The following CNTN4 variants were observed in gnomAD, a reference collection of about 807,000 sequenced individuals.
CNTN4 encodes the protein contactin-4.
Under a neutral mutation model 122.5 loss-of-function variants are expected in CNTN4, and 77 were observed. The observed-to-expected ratio is 0.63, with a 90% confidence interval of 0.52 to 0.76. The LOEUF is 0.76. CNTN4 is among the 30% of genes least tolerant of loss of function. The pLI is 0.00. For synonymous variants in CNTN4, 512 were observed against 447.0 expected (o/e 1.15, Z -1.83); for missense variants, 1,256 against 1,259.1 (o/e 1.00, Z 0.04).
intron 2 of CNTN4, among the ~76,000 whole-genome samples, chr3:2,327,057 T>A (rs955423148): frequency 2.6e-5 from 4 of 152,168 alleles, no homozygotes; most frequent in African/African-American, 9.7e-5. Context: ...TGGAGTTCAG[T>A]TAAGCCACAA....
intron 2 of CNTN4, among the ~76,000 whole-genome samples, chr3:2,317,363 T>C (rs2150182764): frequency 6.6e-6 from 1 of 152,334 alleles, no homozygotes; most frequent in East Asian, 1.9e-4. Context: ...TAGAAGAAGC[T>C]AGCGGGCAGA....
At chr3:2,710,070 G>T (rs996129189) in intron 4 of CNTN4, among the ~76,000 whole-genome samples, 2 of 152,132 alleles carry the variant, frequency 1.3e-5, no homozygotes, top group Non-Finnish European at 2.9e-5. Context: ...ATTAGCACTA[G>T]GTATAATATT....
intron 3 of CNTN4, among the ~76,000 whole-genome samples, chr3:2,545,452 A>T (rs897368661): frequency 3.9e-5 from 6 of 152,048 alleles, no homozygotes. Context: ...TAATGCTGTC[A>T]GTCGGGTGTT....
chr3:2,910,698 G>GAATA, intron 12 of CNTN4, among the ~76,000 whole-genome samples: 1 of 150,812 alleles, frequency 6.6e-6, no homozygotes, highest in Middle Eastern at 3.5e-3. Context: ...ATTTGTGAAT[G>GAATA]AATAAATAAA....
intron 3 of CNTN4, among the ~76,000 whole-genome samples, chr3:2,448,079 A>G (rs967180740): frequency 3.3e-5 from 5 of 152,196 alleles, no homozygotes; most frequent in African/African-American, 1.2e-4. Flanking sequence ...TATGGAAATA[A>G]TTGTGCCTGG....
intron 3 of CNTN4, among the ~76,000 whole-genome samples, chr3:2,434,476 C>T (rs894895492): frequency 3.9e-5 from 6 of 152,160 alleles, no homozygotes; most frequent in Non-Finnish European, 2.9e-5. Flanking sequence ...AGCATAGCTT[C>T]AGTTGAACAA....
At chr3:2,971,530 T>C (rs1197164644) in intron 13 of CNTN4, among the ~76,000 whole-genome samples, 1 of 152,098 alleles carries the variant, frequency 6.6e-6, no homozygotes, top group African/African-American at 2.4e-5. Context: ...AATCTTTACA[T>C]CTAACAGAAA....
chr3:2,228,300 AAAT>A (rs1433336044), intron 2 of CNTN4, among the ~76,000 whole-genome samples: 4 of 152,120 alleles, frequency 2.6e-5, no homozygotes, highest in Non-Finnish European at 5.9e-5. Context: ...GAAAAAATCA[AAAT>A]AATAATAATA....
chr3:2,933,704 C>T (rs1029077207), intron 13 of CNTN4, among the ~76,000 whole-genome samples: 4 of 152,058 alleles, frequency 2.6e-5, no homozygotes, highest in African/African-American at 9.7e-5. Flanking sequence ...TGTTTTATTC[C>T]GTTCTTTAAC....
intron 7 of CNTN4, among the ~76,000 whole-genome samples, chr3:2,859,206 G>A (rs2093648140): frequency 6.6e-6 from 1 of 152,090 alleles, no homozygotes; most frequent in Admixed American, 6.5e-5. Flanking sequence ...ATGTCCTCCA[G>A]GTTCATCCAT....
intron 10 of CNTN4, among the ~76,000 whole-genome samples, chr3:2,895,974 A>G (rs1577192015): frequency 6.6e-6 from 1 of 152,164 alleles, no homozygotes; most frequent in South Asian, 2.1e-4. Flanking sequence ...CAGAGTTTGC[A>G]GCGAGCCAAG....
chr3:2,171,333 A>G (rs1266759397), intron 2 of CNTN4, among the ~76,000 whole-genome samples: 1 of 152,194 alleles, frequency 6.6e-6, no homozygotes, highest in Non-Finnish European at 1.5e-5. Context: ...AAAAACACTC[A>G]TAAAATAGGA....
chr3:2,756,897 AT>A lies in CNTN4; in HGVS notation c.358+11210del, dbSNP rs561157647. Among the ~76,000 whole-genome samples, 106 of 151,012 alleles carry A rather than the reference AT, an allele frequency of 7.0e-4. 2 individuals carry two copies. The South Asian group carries it at 0.011, about 15-fold the overall frequency. ...AGCTTCCAGAACTGCGAGAGAATAA[AT>A]TTTTTTTTTAAGCCATTCAATCTGT... On this transcript the variant is annotated intron_variant, in intron 6 of 24. Coordinates refer to ENST00000418658, the MANE Select transcript of CNTN4 (RefSeq NM_175607.3).
intron 3 of CNTN4, among the ~76,000 whole-genome samples, chr3:2,544,543 A>G (rs932746286): frequency 6.6e-6 from 1 of 152,142 alleles, no homozygotes; most frequent in African/African-American, 2.4e-5. Context: ...CAAGAAACTT[A>G]TAATTGGGAA....
At chr3:2,971,364 CTATCTATA>C (rs1035638962) in intron 13 of CNTN4, among the ~76,000 whole-genome samples, 14 of 132,198 alleles carry the variant, frequency 1.1e-4, no homozygotes, top group African/African-American at 4.0e-4. Flanking sequence ...ATCTATCTAT[CTATCTATA>C]TATATATATA....
chr3:2,100,375 A>T (rs2031817805), intron 1 of CNTN4, among the ~76,000 whole-genome samples, 183 bp from the exon 2 acceptor site: 1 of 152,214 alleles, frequency 6.6e-6, no homozygotes, highest in Non-Finnish European at 1.5e-5. Flanking sequence ...TTGGATACCC[A>T]CACAAGATAA....
chr3:2,745,413 A>T, intron 5 of CNTN4, 109 bp from the exon 6 acceptor site: 1 of 956,244 alleles, frequency 1.0e-6, no homozygotes, highest in Admixed American at 1.9e-5. Flanking sequence ...CTTTTTACAA[A>T]AGTCACAAAT....
chr3:3,014,904 G>C (rs1353083333), intron 14 of CNTN4, among the ~76,000 whole-genome samples: 1 of 105,550 alleles, frequency 9.5e-6, no homozygotes, highest in African/African-American at 3.3e-5. Flanking sequence ...TTTTCTCTTT[G>C]GGTCAGCAAC....
At chr3:2,816,608 G>A (rs935046934) in intron 6 of CNTN4, among the ~76,000 whole-genome samples, 6 of 151,344 alleles carry the variant, frequency 4.0e-5, no homozygotes, top group African/African-American at 1.5e-4. Context: ...GGATCATGAA[G>A]TCAAGAGATC....
Sources: gnomAD v4.1 joint callset for allele counts (sites outside exome capture counted in the v4.1 genomes callset) on GRCh38, gnomAD v4.1.1 for gene constraint, MANE v1.5 for transcripts, NCBI Gene and HGNC (gene_info 2026-07-23, HGNC 2026-07-21) for gene names.